The following PPP4C variants were observed in gnomAD, a reference collection of about 807,000 sequenced individuals.
PPP4C encodes protein phosphatase 4 catalytic subunit, also known as serine/threonine-protein phosphatase 4 catalytic subunit.
PPP4C carries 10 observed loss-of-function variants against 40.5 expected under a neutral mutation model. That is an observed-to-expected ratio of 0.25 (90% CI 0.15 to 0.42). The LOEUF (loss-of-function observed/expected upper bound fraction) is 0.42, where lower values mean the gene tolerates loss of function less well. Among genes scored for constraint, PPP4C ranks in the 10% least tolerant of loss-of-function variants. PPP4C has a pLI of 1.00. For missense variants in PPP4C, 191 were observed against 416.4 expected, an observed-to-expected ratio of 0.46 and a Z score of 4.71; for synonymous variants, 187 against 163.6, an observed-to-expected ratio of 1.14 and a Z score of -1.09.
intron 3 of PPP4C, among the ~76,000 whole-genome samples, chr16:30,081,982 G>C (rs2072516471): frequency 6.6e-6 from 1 of 151,914 alleles, no homozygotes. Flanking sequence ...GTGAACCCAG[G>C]AGGCGGAGCT....
chr16:30,084,031 T>C (rs927058080), intron 7 of PPP4C, among the ~76,000 whole-genome samples: 1 of 152,212 alleles, frequency 6.6e-6, no homozygotes, highest in African/African-American at 2.4e-5. Flanking sequence ...GACAGCAGCT[T>C]CTTCAGAGGT....
rs182074841 is a variant in PPP4C, at chr16:30,083,579, C to G, written c.477+12C>G. On this transcript the variant is annotated intron_variant, in intron 6 of 8. Transcript: ENST00000279387. This position sits in a 1 kb window ranked among gnomAD's most constrained non-coding sequence, Gnocchi z 6.3. Reference sequence around the variant, plus strand: ...TCATCGATGGCAAGGTAAGCCAGCCCAGGGCTCCATGGGACAGGGAGAGGA... The same window carrying G: ...TCATCGATGGCAAGGTAAGCCAGCCGAGGGCTCCATGGGACAGGGAGAGGA... 1.9e-6 allele frequency: 3 copies of G among 1,614,032 alleles called. No homozygotes were observed. In the African/African-American group the frequency reaches 4.0e-5, roughly 22 times the overall value.
intron 2 of PPP4C, among the ~76,000 whole-genome samples, chr16:30,078,098 C>T (rs1054180142): frequency 7.2e-5 from 11 of 152,176 alleles, no homozygotes; most frequent in Non-Finnish European, 1.6e-4. Context: ...TCTTTAACCT[C>T]GAAGTATTGT....
At chr16:30,077,383 G>A (rs753598854) in intron 2 of PPP4C, among the ~76,000 whole-genome samples, 4 of 152,270 alleles carry the variant, frequency 2.6e-5, no homozygotes, top group Middle Eastern at 3.4e-3. Context: ...TTTGGAAGAG[G>A]GCAATAATGA....
Position 30,083,923 on chromosome 16 carries a change from G to A in PPP4C, c.604+142G>A. 1 of 1,288,020 alleles carries A rather than the reference G, an allele frequency of 7.8e-7. No individual in the cohort carries two copies. The highest frequency in any genetic ancestry group is 2.4e-5 in the East Asian group (1 of 40,872). The allele number at this position is 1,288,020 out of a possible 1,614,324, so 79.8% of individuals were successfully genotyped here. A position where few individuals can be genotyped will look rare whatever the true frequency, so the allele number is the denominator to read the frequency against. ...GAGGAGGAGCAGGGAGGCCTGCATG[G>A]CAGGTGCTTTGAGCACACAGTGGCT... On this transcript the variant is annotated intron_variant, in intron 7 of 8. Coordinates refer to ENST00000279387, the MANE Select transcript of PPP4C (RefSeq NM_002720.3). This position sits in a 1 kb window ranked among gnomAD's most constrained non-coding sequence, Gnocchi z 6.3.
intron 2 of PPP4C, among the ~76,000 whole-genome samples, chr16:30,079,357 T>C (rs2072461959): frequency 6.6e-6 from 1 of 151,966 alleles, no homozygotes; most frequent in Non-Finnish European, 1.5e-5. Flanking sequence ...GCCCAGCTAA[T>C]TTTTGTATAT....
Position 30,085,064 on chromosome 16 carries a change from C to T in PPP4C, c.*2C>T, listed in dbSNP as rs1299585870. 2 of 1,613,260 alleles carry T rather than the reference C, an allele frequency of 1.2e-6. No individual in the cohort carries two copies. The highest frequency in any genetic ancestry group is 1.7e-6 in the Non-Finnish European group (2 of 1,179,814). ...CCCGTGGCCGACTACTTCCTGTGAC[C>T]CCGCCCGGCCCCTGCCCCCTCCAAC... On this transcript the variant is annotated 3_prime_UTR_variant, in exon 9 of 9. Coordinates refer to ENST00000279387, the MANE Select transcript of PPP4C (RefSeq NM_002720.3).
rs202055350 is a variant in PPP4C at position 30,082,492 on chromosome 16, C to T, written c.159C>T (p.Gly53=). 6.2e-6 allele frequency: 10 copies of T among 1,613,828 alleles called. No individual in the cohort carries two copies. The highest frequency in any genetic ancestry group is 2.7e-5 in the African/African-American group (2 of 75,028). ...CTCTTCCTGTTCCCCAGGTGTGCGG[C>T]GACATCCATGGACAATTCTATGACC... ...QRVDSPVTVC[G]DIHGQFYDLK... The change falls in exon 4 of 9, where the codon GGC becomes GGT. Residue 53 remains glycine, a synonymous_variant. Coordinates refer to ENST00000279387, the MANE Select transcript of PPP4C (RefSeq NM_002720.3).
chr16:30,084,288 GACAC>G (rs1160862504), intron 7 of PPP4C, among the ~76,000 whole-genome samples: 1 of 152,000 alleles, frequency 6.6e-6, no homozygotes, highest in Non-Finnish European at 1.5e-5. Flanking sequence ...CACACATACA[GACAC>G]ACACATGCAG....
intron 2 of PPP4C, among the ~76,000 whole-genome samples, chr16:30,077,445 G>C (rs548290178): frequency 7.9e-5 from 12 of 152,302 alleles, no homozygotes; most frequent in African/African-American, 2.9e-4. Context: ...GGCCTTGAAG[G>C]ATGAAGATAA....
intron 7 of PPP4C, among the ~76,000 whole-genome samples, chr16:30,084,415 G>A (rs1270290115): frequency 6.6e-6 from 1 of 152,218 alleles, no homozygotes; most frequent in Non-Finnish European, 1.5e-5. Flanking sequence ...GTTTGGACGG[G>A]GATTGTATGA....
At chr16:30,079,794 C>T (rs1243860320) in intron 2 of PPP4C, among the ~76,000 whole-genome samples, 2 of 152,246 alleles carry the variant, frequency 1.3e-5, no homozygotes, top group African/African-American at 2.4e-5. Flanking sequence ...GGGGGCCAGG[C>T]GAGTTGGGCC....
chr16:30,084,475 G>C (rs2072579768), intron 7 of PPP4C, among the ~76,000 whole-genome samples, 191 bp from the exon 8 acceptor site: 1 of 152,254 alleles, frequency 6.6e-6, no homozygotes, highest in Non-Finnish European at 1.5e-5. Flanking sequence ...TTTCTCCTCT[G>C]GAGCTTATCT....
rs1388846497 is a variant in PPP4C, at chr16:30,081,429, C to T, written c.150+119C>T. On this transcript the variant is annotated intron_variant, in intron 3 of 8. Transcript: ENST00000279387. ...GCTCTTTTATCTGTCCTTTCCCTCA[C>T]CTTCAACGGAGCACTGCTAAAAGAA... is the stretch of plus-strand genomic sequence containing the variant. 3.1e-5 allele frequency: 25 copies of T among 806,050 alleles called. No individual in the cohort carries two copies. The East Asian group carries it at 5.3e-4, about 17-fold the overall frequency. 49.9% of individuals were successfully genotyped at this position (806,050 alleles called of 1,614,324 possible). A position where few individuals can be genotyped will look rare whatever the true frequency, so the allele number is the denominator to read the frequency against.
chr16:30,077,038 C>T (rs533810935), intron 2 of PPP4C, among the ~76,000 whole-genome samples: 2 of 152,198 alleles, frequency 1.3e-5, no homozygotes, highest in South Asian at 2.1e-4. Flanking sequence ...GGAGTTGGAT[C>T]ATTCACGTTC....
intron 2 of PPP4C, among the ~76,000 whole-genome samples, chr16:30,077,944 G>A (rs1317152489): frequency 6.6e-6 from 1 of 152,208 alleles, no homozygotes; most frequent in East Asian, 1.9e-4. Context: ...GATGAGCAGG[G>A]TCGGCCTCTT....
chr16:30,084,412 C>T (rs998400431), intron 7 of PPP4C, among the ~76,000 whole-genome samples: 2 of 152,210 alleles, frequency 1.3e-5, no homozygotes, highest in Non-Finnish European at 2.9e-5. Context: ...GCTGTTTGGA[C>T]GGGGATTGTA....
chr16:30,081,473 G>T (rs917227089), intron 3 of PPP4C, 163 bp downstream of exon 3: 18 of 598,758 alleles, frequency 3.0e-5, no homozygotes, highest in Non-Finnish European at 4.9e-5. Flanking sequence ...TGCTGTGCAC[G>T]TTGGCTCACA....
Position 30,083,002 on chromosome 16 carries a change from T to A in PPP4C, c.303+155T>A. ...TCTGCTTTTGGGGGTGGTCAGAGAC[T>A]TGATGGGGGTTGAGGCCAGCGGGGC... On this transcript the variant is annotated intron_variant, in intron 5 of 8. Coordinates refer to ENST00000279387, the MANE Select transcript of PPP4C (RefSeq NM_002720.3). This position sits in a 1 kb window ranked among gnomAD's most constrained non-coding sequence, Gnocchi z 6.3. 1.5e-6 allele frequency: 1 copy of A among 665,152 alleles called. No individual in the cohort carries two copies. Among genetic ancestry groups the A allele is most frequent in the Non-Finnish European group, 2.5e-6 (1 of 392,924 alleles). 41.2% of individuals were successfully genotyped at this position (665,152 alleles called of 1,614,324 possible). A position where few individuals can be genotyped will look rare whatever the true frequency, so the allele number is the denominator to read the frequency against.
Sources: gnomAD v4.1 joint callset for allele counts (sites outside exome capture counted in the v4.1 genomes callset) on GRCh38, gnomAD v4.1.1 for gene constraint, Gnocchi (gnomAD v3.1) non-coding constraint, MANE v1.5 for transcripts, NCBI Gene and HGNC (gene_info 2026-07-23, HGNC 2026-07-21) for gene names.